SLC12A7: variants seen among roughly 807,000 people sequenced by gnomAD.
SLC12A7 encodes the protein K-Cl cotransporter 4.
A neutral mutation model predicts 120.6 loss-of-function variants in SLC12A7; 100 were observed. The observed-to-expected ratio is 0.83, with a 90% CI of 0.71 to 0.98. The LOEUF is 0.98. SLC12A7 is among the 50% of genes least tolerant of loss of function. The pLI is 0.00. For synonymous variants in SLC12A7, 760 were observed against 678.0 expected (o/e 1.12, Z -1.88); for missense variants, 1,373 against 1,548.1 (o/e 0.89, Z 1.90).
At chr5:1,130,608 C>T in the SLC12A7 span, among the ~76,000 whole-genome samples, 1 of 150,768 alleles carries the variant, frequency 6.6e-6, no homozygotes, top group African/African-American at 2.4e-5. Flanking sequence ...CCCCTCACCT[C>T]CTTAGCCAGG....
the SLC12A7 span, among the ~76,000 whole-genome samples, chr5:1,154,472 T>C: frequency 1.3e-5 from 2 of 150,640 alleles, no homozygotes; most frequent in African/African-American, 4.9e-5. Context: ...TCATATGCCA[T>C]ACACACACAT....
chr5:1,084,089 G>C lies in SLC12A7; in HGVS notation c.918-133C>G, dbSNP rs1739534092. The C allele has an allele frequency of 1.4e-5, 10 of 717,514 alleles. No individual in the cohort carries two copies. In the South Asian group the frequency reaches 1.5e-4, roughly 11 times the overall value. 44.4% of individuals were successfully genotyped at this position (717,514 alleles called of 1,614,324 possible). A position where few individuals can be genotyped will look rare whatever the true frequency, so the allele number is the denominator to read the frequency against. Reference sequence around the variant, plus strand: ...TGGCACCCTGCACCTCCCAAGACAGGAAGGCCACAGATCACGCCAGGGACC... The same window carrying C: ...TGGCACCCTGCACCTCCCAAGACAGCAAGGCCACAGATCACGCCAGGGACC... On this transcript the variant is annotated intron_variant, in intron 7 of 23. Coordinates refer to ENST00000264930, the MANE Select transcript of SLC12A7 (RefSeq NM_006598.3).
chr5:1,062,588 G>T (rs11957287), intron 20 of SLC12A7, among the ~76,000 whole-genome samples: 3 of 152,096 alleles, frequency 2.0e-5, no homozygotes, highest in African/African-American at 7.2e-5. Flanking sequence ...GAAGGTTGTC[G>T]GTGAGGCACG....
intron 3 of SLC12A7, among the ~76,000 whole-genome samples, chr5:1,092,519 G>C (rs1349976869): frequency 6.6e-6 from 1 of 152,186 alleles, no homozygotes; most frequent in Non-Finnish European, 1.5e-5. Context: ...TCTCCTGATG[G>C]TATTTTTAGA....
the SLC12A7 span, among the ~76,000 whole-genome samples, chr5:1,149,499 C>T: frequency 8.1e-4 from 123 of 152,218 alleles, no homozygotes; most frequent in Admixed American, 1.8e-3. Flanking sequence ...ATCACTTGAA[C>T]CCGGGAGGTG....
At chr5:1,062,179 G>A (rs1285066586) in intron 20 of SLC12A7, among the ~76,000 whole-genome samples, 1 of 152,150 alleles carries the variant, frequency 6.6e-6, no homozygotes, top group Non-Finnish European at 1.5e-5. Context: ...GGCTGGGGGT[G>A]CGGCTGGGGC....
the SLC12A7 span, among the ~76,000 whole-genome samples, chr5:1,122,599 A>C: frequency 1.3e-5 from 2 of 152,128 alleles, no homozygotes; most frequent in Non-Finnish European, 2.9e-5. Flanking sequence ...AGTCCTCCCA[A>C]ACTGAAGGCC....
At chr5:1,154,580 G>A in the SLC12A7 span, among the ~76,000 whole-genome samples, 1 of 152,144 alleles carries the variant, frequency 6.6e-6, no homozygotes, top group Non-Finnish European at 1.5e-5. Flanking sequence ...CATGGCTCCC[G>A]GCAGTGCTGC....
chr5:1,085,984 C>T (rs1432025894), intron 6 of SLC12A7, among the ~76,000 whole-genome samples: 1 of 152,184 alleles, frequency 6.6e-6, no homozygotes, highest in Non-Finnish European at 1.5e-5. Context: ...GGGACGGAGA[C>T]GTGAGACAGT....
At chr5:1,141,358 AC>A in the SLC12A7 span, among the ~76,000 whole-genome samples, 1 of 151,970 alleles carries the variant, frequency 6.6e-6, no homozygotes, top group South Asian at 2.1e-4. Context: ...AGGCAGTAGG[AC>A]CCCCAGTCCT....
At chr5:1,100,427 C>A (rs997555271) in intron 1 of SLC12A7, among the ~76,000 whole-genome samples, 1 of 152,258 alleles carries the variant, frequency 6.6e-6, no homozygotes, top group Non-Finnish European at 1.5e-5. Flanking sequence ...GCTCGATGGT[C>A]TCGCAGCAGC....
intron 23 of SLC12A7, among the ~76,000 whole-genome samples, chr5:1,052,938 G>C (rs893559384): frequency 2.6e-5 from 4 of 152,250 alleles, no homozygotes; most frequent in African/African-American, 9.6e-5. Context: ...AATTCCCAAA[G>C]CTGCGACCAA....
chr5:1,058,381 G>T (rs1441171052), intron 21 of SLC12A7, among the ~76,000 whole-genome samples: 1 of 152,226 alleles, frequency 6.6e-6, no homozygotes, highest in Admixed American at 6.5e-5. Context: ...AGCCTGACAG[G>T]TAGGCCAATG....
chr5:1,117,422 A>G, the SLC12A7 span, among the ~76,000 whole-genome samples: 3 of 152,182 alleles, frequency 2.0e-5, no homozygotes, highest in Non-Finnish European at 4.4e-5. The surrounding 1 kb of genome is among the most constrained non-coding windows in gnomAD (Gnocchi z 4.5). Flanking sequence ...CTTAGTTTAT[A>G]GTTAAAATAA....
intron 1 of SLC12A7, among the ~76,000 whole-genome samples, chr5:1,103,735 G>A (rs1448159207): frequency 2.0e-5 from 3 of 152,218 alleles, no homozygotes; most frequent in Admixed American, 6.5e-5. Flanking sequence ...ACGACCCACG[G>A]GGCGGGGTGC....
Position 1,084,570 on chromosome 5 carries a change from C to T in SLC12A7, c.918-614G>A, listed in dbSNP as rs1021557531. Among the ~76,000 whole-genome samples the T allele has an allele frequency of 5.3e-5, 8 of 152,234 alleles. No individual in the cohort carries two copies. The East Asian group carries it at 7.7e-4, about 15-fold the overall frequency. ...TACACAGGGCCGTAGCGTCAAGCATCGGCAGGGGGTCTCAGGACGGGTCCC... is the reference window on the plus strand; with the variant it reads ...TACACAGGGCCGTAGCGTCAAGCATTGGCAGGGGGTCTCAGGACGGGTCCC... On this transcript the variant is annotated intron_variant, in intron 7 of 23. Coordinates refer to ENST00000264930, the MANE Select transcript of SLC12A7 (RefSeq NM_006598.3).
chr5:1,106,716 A>G (rs7708161), intron 1 of SLC12A7, among the ~76,000 whole-genome samples: 3,926 of 152,310 alleles, frequency 0.026, 164 homozygotes, highest in African/African-American at 0.085. Flanking sequence ...AAAGGAAAAC[A>G]GGATCTCGGG....
upstream of SLC12A7, chr5:1,112,073 G>A (rs1561119296): frequency 8.4e-7 from 1 of 1,191,122 alleles, no homozygotes; most frequent in Non-Finnish European, 1.0e-6. Context: ...TTGGAGGCAG[G>A]GGCGGGGTCC....
At chr5:1,055,135 C>T (rs140336994) in intron 22 of SLC12A7, among the ~76,000 whole-genome samples, 43 of 152,234 alleles carry the variant, frequency 2.8e-4, no homozygotes, top group African/African-American at 5.1e-4. Context: ...AATGTGTATA[C>T]GCACACACAC....
Sources: allele counts gnomAD v4.1 joint callset (sites outside exome capture counted in the v4.1 genomes callset), GRCh38; gene constraint gnomAD v4.1.1; non-coding constraint Gnocchi (gnomAD v3.1); transcripts MANE v1.5; gene names NCBI Gene and HGNC (gene_info 2026-07-23, HGNC 2026-07-21).